ARHGAP23: variants seen among roughly 807,000 people sequenced by gnomAD.
ARHGAP23 encodes Rho GTPase activating protein 23.
In ARHGAP23, 34 loss-of-function variants were observed where a neutral mutation model predicts 136.3. That is an observed-to-expected ratio of 0.25 (90% CI 0.19 to 0.33). The LOEUF is 0.33. ARHGAP23 is among the 10% of genes least tolerant of loss of function. ARHGAP23 has a pLI of 1.00. For missense variants in ARHGAP23, 1,808 were observed against 2,139.0 expected (o/e 0.85, Z 3.05); for synonymous variants, 832 against 920.5 (o/e 0.90, Z 1.74).
intron 20 of ARHGAP23, among the ~76,000 whole-genome samples, chr17:38,495,969 C>T (rs903686713): frequency 3.9e-5 from 6 of 152,116 alleles, no homozygotes; most frequent in Non-Finnish European, 5.9e-5. Context: ...GCGACCTCAG[C>T]TCACTGCAAC....
chr17:38,469,810 C>T, intron 9 of ARHGAP23, 37 bp from the exon 10 acceptor site: 1 of 1,550,572 alleles, frequency 6.4e-7, no homozygotes, highest in Non-Finnish European at 8.7e-7. Context: ...CCCAGCTTTG[C>T]TGCCCACATC....
At position 38,500,632 on chromosome 17, in the gene ARHGAP23, C is replaced by T. The variant is rs376864985; in HGVS notation, c.3447+4C>T. ...CTGTAGTTCAGCCAAGTCCAAGGTA[C>T]GTATGAAGGCAATTCTGAAGGCTTG... On this transcript the variant is annotated splice_donor_region_variant and intron_variant, in intron 23 of 23. Transcript: ENST00000622683. The T allele has an allele frequency of 9.9e-5, 153 of 1,548,728 alleles. No homozygotes were observed. The Middle Eastern group carries it at 2.3e-3, about 23-fold the overall frequency.
chr17:38,469,100 C>T, intron 7 of ARHGAP23, 44 bp from the exon 8 acceptor site: 3 of 1,511,440 alleles, frequency 2.0e-6, no homozygotes, highest in Non-Finnish European at 2.7e-6. Flanking sequence ...CAGGCAGGCT[C>T]CGCTGTCTGC....
At chr17:38,427,773 C>T (rs906727916), upstream of ARHGAP23, among the ~76,000 whole-genome samples, 1 of 152,112 alleles carries the variant, frequency 6.6e-6, no homozygotes, top group South Asian at 2.1e-4. Context: ...GCTCGACTCC[C>T]CCTCCTCTCT....
intron 1 of ARHGAP23, among the ~76,000 whole-genome samples, chr17:38,437,289 G>T (rs2144511138): frequency 6.6e-6 from 1 of 151,248 alleles, no homozygotes; most frequent in Middle Eastern, 3.4e-3. Flanking sequence ...ACACCACCAT[G>T]CTTGGCTAAT....
intron 1 of ARHGAP23, among the ~76,000 whole-genome samples, chr17:38,421,859 C>T (rs989707154): frequency 6.6e-6 from 1 of 152,224 alleles, no homozygotes; most frequent in East Asian, 1.9e-4. Flanking sequence ...TAATCCCTTC[C>T]CCTTTGCTTC....
intron 2 of ARHGAP23, 102 bp from the exon 3 acceptor site, chr17:38,460,802 AG>A: frequency 3.3e-6 from 5 of 1,534,652 alleles, no homozygotes; most frequent in Non-Finnish European, 3.5e-6. Flanking sequence ...GGAGGAGATA[AG>A]GGGTGGCGGG....
At position 38,481,988 on chromosome 17, in the gene ARHGAP23, C is replaced by G. The variant is rs754950932; in HGVS notation, c.2630-34C>G. 3 of 1,496,470 alleles carry G rather than the reference C, an allele frequency of 2.0e-6. No individual in the cohort carries two copies. In the Admixed American group the frequency reaches 7.6e-5, roughly 38 times the overall value. The allele number at this position is 1,496,470 out of a possible 1,614,324, so 92.7% of individuals were successfully genotyped here. ...AATGTGTGTGACCCTCCTGGATACCCCAGCTCACTCTGGCTCTGTCTCCCC... is the reference window on the plus strand; with the variant it reads ...AATGTGTGTGACCCTCCTGGATACCGCAGCTCACTCTGGCTCTGTCTCCCC... On this transcript the variant is annotated intron_variant, in intron 14 of 23. Transcript: ENST00000622683.
At chr17:38,479,264 A>G (rs2039973337) in intron 12 of ARHGAP23, among the ~76,000 whole-genome samples, 172 bp from the exon 13 acceptor site, 1 of 152,042 alleles carries the variant, frequency 6.6e-6, no homozygotes, top group South Asian at 2.1e-4. Context: ...GGCTTCCCCA[A>G]GGCCTCAGCT....
rs1322626314 is a variant in ARHGAP23 at position 38,466,383 on chromosome 17, C to T, written c.700C>T (p.Pro234Ser). ...GAGTGACCCGGGGCTCCGTGTGCCA[C>T]CTGCTGCCCGTGCCCACCTGGACAA... ...AWSDPGLRVP[P>S]AARAHLDNSS... Residue 234 changes from proline (P) to serine (S), a missense_variant, in exon 7 of 24, where the codon CCT (proline) becomes TCT (serine). Coordinates refer to ENST00000622683, the MANE Select transcript of ARHGAP23 (RefSeq NM_001199417.2). 6.5e-7 allele frequency: 1 copy of T among 1,536,002 alleles called. No homozygotes were observed. The highest frequency in any genetic ancestry group is 2.5e-5 in the East Asian group (1 of 40,752).
intron 1 of ARHGAP23, among the ~76,000 whole-genome samples, chr17:38,440,023 C>T (rs1191427412): frequency 2.0e-5 from 3 of 148,602 alleles, no homozygotes; most frequent in East Asian, 4.0e-4. Flanking sequence ...CTACCGAGCC[C>T]AGTCGGAACT....
rs531554332 is a variant in ARHGAP23 at position 38,489,180 on chromosome 17, G to A, written c.2987-922G>A. Among the ~76,000 whole-genome samples, 57 of 152,324 alleles carry A rather than the reference G, an allele frequency of 3.7e-4. 2 individuals carry two copies. Among genetic ancestry groups the A allele is most frequent in the African/African-American group, 1.2e-3 (50 of 41,568 alleles). ...CAGATGTGAGCCACTGTGCCTGGCC[G>A]AAAACAATTGTTTAAAATGTGACCA... is the stretch of plus-strand genomic sequence containing the variant. On this transcript the variant is annotated intron_variant, in intron 17 of 23. Coordinates refer to ENST00000622683, the MANE Select transcript of ARHGAP23 (RefSeq NM_001199417.2).
intron 12 of ARHGAP23, among the ~76,000 whole-genome samples, chr17:38,479,030 C>G (rs902203169): frequency 5.3e-5 from 8 of 152,198 alleles, no homozygotes; most frequent in African/African-American, 1.9e-4. Flanking sequence ...TGGGCCTCCT[C>G]CTCTGGGGGC....
intron 1 of ARHGAP23, among the ~76,000 whole-genome samples, chr17:38,457,019 C>T (rs7502297): frequency 1.3e-5 from 2 of 152,032 alleles, no homozygotes; most frequent in East Asian, 1.9e-4. Context: ...AAGCGATTCT[C>T]CTGCCTCAGC....
chr17:38,482,558 T>C lies in ARHGAP23; in HGVS notation c.2787T>C (p.Ile929=), dbSNP rs1490819483. 3 of 1,549,594 alleles carry C rather than the reference T, an allele frequency of 1.9e-6. No individual in the cohort carries two copies. The highest frequency in any genetic ancestry group is 2.7e-5 in the African/African-American group (2 of 73,032). ...TAATCGTGGCTGCATGCTGTCGCAT[T>C]GTGGAGGCACGAGGGCTGGAGTCCA... The part of the protein sequence containing the change: ...VPLIVAACCR[I]VEARGLESTG... The change falls in exon 16 of 24, where the codon ATT becomes ATC. Residue 929 remains isoleucine (I), a synonymous_variant. Coordinates refer to ENST00000622683, the MANE Select transcript of ARHGAP23 (RefSeq NM_001199417.2).
intron 23 of ARHGAP23, among the ~76,000 whole-genome samples, chr17:38,503,872 G>A (rs1302027835): frequency 6.6e-6 from 1 of 152,246 alleles, no homozygotes; most frequent in East Asian, 1.9e-4. Context: ...TCACTAGCAT[G>A]AGATGAAAGA....
chr17:38,423,191 A>G (rs1434502504), intron 1 of ARHGAP23, among the ~76,000 whole-genome samples: 1 of 151,260 alleles, frequency 6.6e-6, no homozygotes, highest in African/African-American at 2.4e-5. Flanking sequence ...CTAGGTGCTC[A>G]ATAATTTTTT....
At chr17:38,455,832 A>T (rs536308567) in intron 1 of ARHGAP23, among the ~76,000 whole-genome samples, 1 of 152,310 alleles carries the variant, frequency 6.6e-6, no homozygotes, top group Non-Finnish European at 1.5e-5. Flanking sequence ...TTCAGACCTC[A>T]GCAGAATTCC....
chr17:38,453,464 C>T (rs1411828285), intron 1 of ARHGAP23, among the ~76,000 whole-genome samples: 5 of 142,422 alleles, frequency 3.5e-5, no homozygotes, highest in Admixed American at 1.4e-4. Context: ...TGTGTGTGCG[C>T]GCGCGCGCTG....
Sources: gnomAD v4.1 joint callset for allele counts (sites outside exome capture counted in the v4.1 genomes callset) on GRCh38, gnomAD v4.1.1 for gene constraint, MANE v1.5 for transcripts, NCBI Gene and HGNC (gene_info 2026-07-23, HGNC 2026-07-21) for gene names.